TET3: variants seen among roughly 807,000 people sequenced by gnomAD.
The protein encoded by TET3 is methylcytosine dioxygenase TET3.
Under a neutral mutation model 141.4 loss-of-function variants are expected in TET3, and 19 were observed. The observed-to-expected ratio is 0.13, with a 90% CI of 0.09 to 0.20. The LOEUF is 0.20. Among genes scored for constraint, TET3 ranks in the 10% least tolerant of loss-of-function variants. The pLI is 1.00. For synonymous variants in TET3, 1,043 were observed against 980.9 expected (o/e 1.06, Z -1.18); for missense variants, 1,874 against 2,356.9 (o/e 0.80, Z 4.24).
chr2:74,129,539 G>T, the TET3 span, among the ~76,000 whole-genome samples: 2 of 151,658 alleles, frequency 1.3e-5, no homozygotes, highest in Non-Finnish European at 2.9e-5. Context: ...AGGCTGAGGT[G>T]GGAGAATTGC....
intron 2 of TET3, among the ~76,000 whole-genome samples, chr2:73,998,112 C>T (rs776762013): frequency 4.6e-5 from 7 of 152,146 alleles, no homozygotes; most frequent in African/African-American, 1.2e-4. Context: ...CTGGGTACCG[C>T]GTGAGAATCC....
chr2:74,100,322 T>TC (rs1412212212), intron 11 of TET3, 71 bp from the exon 12 acceptor site: 2 of 1,469,726 alleles, frequency 1.4e-6, no homozygotes, highest in Non-Finnish European at 1.8e-6. Context: ...CCATCCCCAG[T>TC]CCCCGACCCA....
chr2:74,050,202 C>T (rs1687873843), intron 4 of TET3, among the ~76,000 whole-genome samples: 1 of 152,238 alleles, frequency 6.6e-6, no homozygotes, highest in Non-Finnish European at 1.5e-5. Flanking sequence ...TGCATCCCAA[C>T]TCCATCACTT....
chr2:73,997,782 A>G (rs1684667446), intron 2 of TET3, among the ~76,000 whole-genome samples: 3 of 152,118 alleles, frequency 2.0e-5, no homozygotes, highest in African/African-American at 7.2e-5. Flanking sequence ...GCGGTGGGTA[A>G]AGGTAGGCAC....
rs1687653665 is a variant in TET3 at position 74,046,880 on chromosome 2, G to T, written c.963G>T (p.Arg321Ser). 1 of 1,613,550 alleles carries T rather than the reference G, an allele frequency of 6.2e-7. No individual in the cohort carries two copies. Among genetic ancestry groups the T allele is most frequent in the Non-Finnish European group, 8.5e-7 (1 of 1,179,878 alleles). ...CCGGCCTCCCAGCACCAAGCACCAG[G>T]CCACTCCTCAGCTCAGAGGTGCCCC... ...GEAGLPAPST[R>S]PLLSSEVPQI... Residue 321 changes from arginine (R) to serine (S), a missense_variant, in exon 4 of 12, where the codon AGG becomes AGT. By Grantham distance (110) the Arg-to-Ser change is moderately radical. Around this residue, in one of 10 missense-constraint regions of TET3, gnomAD observed 366 missense variants for 487.0 expected, o/e 0.75. Coordinates refer to ENST00000409262, the MANE Select transcript of TET3 (RefSeq NM_001287491.2). The surrounding 1 kb of genome is among the most constrained non-coding windows in gnomAD (Gnocchi z 4.3).
intron 5 of TET3, among the ~76,000 whole-genome samples, chr2:74,076,440 G>GGTTTTTTTTTTTTTTTTTTTTTTTT: frequency 9.9e-6 from 1 of 101,434 alleles, no homozygotes; most frequent in Non-Finnish European, 1.9e-5. Flanking sequence ...CATTCCTCTG[G>GGTTTTTTTTTTTTTTTTTTTTTTTT]GTTTTTTTTT....
chr2:74,093,169 C>T lies in TET3; in HGVS notation c.3129+178C>T, dbSNP rs988957625. 6.6e-6 allele frequency among the ~76,000 whole-genome samples: 1 copy of T among 152,154 alleles called. No homozygotes were observed. Among genetic ancestry groups the T allele is most frequent in the Non-Finnish European group, 1.5e-5 (1 of 68,030 alleles). On this transcript the variant is annotated intron_variant, in intron 9 of 11. Transcript: ENST00000409262. This position sits in a 1 kb window ranked among gnomAD's most constrained non-coding sequence, Gnocchi z 4.2. ...AAACCCCTTTTTTACACCAGGCTAC[C>T]TGCATCCCACACCGTCCCTCTTCTA...
chr2:74,100,184 A>G (rs1039048480), intron 11 of TET3, among the ~76,000 whole-genome samples: 1 of 152,070 alleles, frequency 6.6e-6, no homozygotes, highest in Non-Finnish European at 1.5e-5. Flanking sequence ...TCCCACCCCC[A>G]GTGGGGCTGG....
chr2:73,995,516 T>G lies in TET3; in HGVS notation c.304-7594T>G, dbSNP rs557408826. On this transcript the variant is annotated intron_variant, in intron 2 of 11. Coordinates refer to ENST00000409262, the MANE Select transcript of TET3 (RefSeq NM_001287491.2). The stretch of plus-strand genomic sequence containing the variant: ...AGGACCTCCCCAGATTTAAGAAGCG[T>G]GCCCTACCTGAGCCCTCTAATATAG... 3.9e-5 allele frequency among the ~76,000 whole-genome samples: 6 copies of G among 152,320 alleles called. No homozygotes were observed. The East Asian group carries it at 1.2e-3, about 29-fold the overall frequency.
At chr2:74,113,220 A>C in the TET3 span, among the ~76,000 whole-genome samples, 1 of 151,718 alleles carries the variant, frequency 6.6e-6, no homozygotes, top group African/African-American at 2.4e-5. Context: ...CCCTGTCTCT[A>C]CTAAAAATAC....
intron 10 of TET3, among the ~76,000 whole-genome samples, chr2:74,095,891 T>G (rs1249601356): frequency 6.6e-6 from 1 of 152,224 alleles, no homozygotes; most frequent in Non-Finnish European, 1.5e-5. Context: ...GCACTAATTC[T>G]CCTACTTACT....
chr2:74,128,552 C>A, the TET3 span, among the ~76,000 whole-genome samples: 1 of 152,050 alleles, frequency 6.6e-6, no homozygotes, highest in South Asian at 2.1e-4. Context: ...TTCATTGTAA[C>A]AAATGCCCCA....
At chr2:74,078,018 A>G (rs540467012) in intron 5 of TET3, among the ~76,000 whole-genome samples, 1 of 152,344 alleles carries the variant, frequency 6.6e-6, no homozygotes, top group Non-Finnish European at 1.5e-5. Flanking sequence ...CCTGTCTCCA[A>G]ATGCTTTCTG....
At chr2:74,052,893 A>G (rs1688021942) in intron 4 of TET3, among the ~76,000 whole-genome samples, 3 of 152,138 alleles carry the variant, frequency 2.0e-5, no homozygotes, top group Middle Eastern at 3.4e-3. Context: ...AAACAAAAAA[A>G]CCCTCTATTA....
intron 5 of TET3, chr2:74,073,954 G>T: frequency 5.0e-6 from 1 of 200,686 alleles, no homozygotes; most frequent in Non-Finnish European, 1.0e-5. Context: ...GTGGTATTGT[G>T]GTATCATTAA....
intron 1 of TET3, among the ~76,000 whole-genome samples, chr2:73,985,639 C>T (rs1683984387): frequency 6.8e-6 from 1 of 146,260 alleles, no homozygotes; most frequent in Non-Finnish European, 1.5e-5. Flanking sequence ...GAAAGCTCAG[C>T]TCCCTAGGGA....
At chr2:74,054,887 T>TTTGTTG (rs545411461) in intron 4 of TET3, among the ~76,000 whole-genome samples, 4 of 151,986 alleles carry the variant, frequency 2.6e-5, no homozygotes, top group Non-Finnish European at 4.4e-5. Flanking sequence ...CTGCATGTTT[T>TTTGTTG]TTGTTGTTGT....
chr2:74,035,657 G>T (rs1357815706), intron 3 of TET3, among the ~76,000 whole-genome samples: 1 of 151,926 alleles, frequency 6.6e-6, no homozygotes, highest in Non-Finnish European at 1.5e-5. Context: ...AGCCCAGGAG[G>T]TGGAGGTTGC....
chr2:74,127,297 G>T, the TET3 span, among the ~76,000 whole-genome samples: 1 of 152,170 alleles, frequency 6.6e-6, no homozygotes, highest in Non-Finnish European at 1.5e-5. Context: ...CTTAGTGACA[G>T]ACTAATTTAC....
Sources: allele counts gnomAD v4.1 joint callset (sites outside exome capture counted in the v4.1 genomes callset), GRCh38; gene constraint gnomAD v4.1.1; regional missense constraint gnomAD v4.1.1; non-coding constraint Gnocchi (gnomAD v3.1); transcripts MANE v1.5; gene names NCBI Gene and HGNC (gene_info 2026-07-23, HGNC 2026-07-21).